NRXN3: variants seen among roughly 807,000 people sequenced by gnomAD.
The protein encoded by NRXN3 is neurexin 3.
NRXN3 carries 32 observed loss-of-function variants against 137.6 expected under a neutral mutation model. That is an observed-to-expected ratio of 0.23 (90% CI 0.18 to 0.31). The LOEUF is 0.31. Ranked by LOEUF, NRXN3 falls within the 10% of genes least tolerant of loss-of-function variation. The pLI, the probability that NRXN3 is intolerant of heterozygous loss-of-function variation, is 1.00. For synonymous variants in NRXN3, 798 were observed against 784.5 expected (o/e 1.02, Z -0.29); for missense variants, 1,574 against 2,062.5 (o/e 0.76, Z 4.59).
chr14:79,123,172 TC>T (rs2152927835), intron 15 of NRXN3, among the ~76,000 whole-genome samples: 1 of 152,182 alleles, frequency 6.6e-6, no homozygotes, highest in East Asian at 1.9e-4. Context: ...CTCCTGTCCA[TC>T]CAGATGGAGC....
At chr14:79,031,212 G>C (rs2152492017) in intron 15 of NRXN3, among the ~76,000 whole-genome samples, 1 of 152,138 alleles carries the variant, frequency 6.6e-6, no homozygotes, top group African/African-American at 2.4e-5. Context: ...GCAATTGTTT[G>C]TTTTACTTTA....
chr14:79,388,869 T>A (rs2094740339), intron 15 of NRXN3, among the ~76,000 whole-genome samples: 1 of 152,090 alleles, frequency 6.6e-6, no homozygotes, highest in Non-Finnish European at 1.5e-5. Context: ...GAATTCATGT[T>A]CTGTTGTCAT....
In NRXN3 at chr14:78,709,562, A is replaced by G. The variant is rs1464619298; in HGVS notation, c.1567A>G (p.Met523Val). 1.2e-6 allele frequency: 2 copies of G among 1,613,994 alleles called. No homozygotes were observed. The highest frequency in any genetic ancestry group is 4.5e-5 in the East Asian group (2 of 44,858). Residue 523 changes from methionine to valine, a missense_variant, in exon 7 of 21, where the codon ATG becomes GTG. This residue lies in a region of NRXN3 where 718 missense variants were observed against 887.6 expected (regional missense o/e 0.81). Coordinates refer to ENST00000335750, the MANE Select transcript of NRXN3 (RefSeq NM_001330195.2). ...TGGCAACCTGTACTTGCTGCTTGACATGGGCTCTGGCACCATCAAAGTGAA... is the reference window on the plus strand; with the variant it reads ...TGGCAACCTGTACTTGCTGCTTGACGTGGGCTCTGGCACCATCAAAGTGAA... ...LDGNLYLLLD[M>V]GSGTIKVKAT...
intron 4 of NRXN3, among the ~76,000 whole-genome samples, chr14:78,365,919 G>A (rs978293970): frequency 2.0e-5 from 3 of 152,158 alleles, no homozygotes; most frequent in Admixed American, 6.6e-5. Context: ...GGAGAAAAGC[G>A]TAAAATATAA....
intron 15 of NRXN3, among the ~76,000 whole-genome samples, chr14:79,086,369 T>C (rs2048102386): frequency 1.3e-5 from 2 of 152,154 alleles, no homozygotes; most frequent in Admixed American, 1.3e-4. Context: ...CATCCCTCGC[T>C]TTAACTTGGG....
intron 15 of NRXN3, among the ~76,000 whole-genome samples, chr14:78,997,260 A>G (rs1017010409): frequency 2.6e-5 from 4 of 152,180 alleles, no homozygotes; most frequent in Non-Finnish European, 5.9e-5. Context: ...ATCATGGATT[A>G]TCATAAGCTG....
chr14:79,213,628 G>A (rs373434975), intron 15 of NRXN3, among the ~76,000 whole-genome samples: 2 of 151,330 alleles, frequency 1.3e-5, no homozygotes, highest in Non-Finnish European at 2.9e-5. Context: ...TTTTTTTTGG[G>A]GGGGGGTGGC....
chr14:79,390,773 GT>G (rs989623728), intron 15 of NRXN3, among the ~76,000 whole-genome samples: 2 of 152,068 alleles, frequency 1.3e-5, no homozygotes, highest in Non-Finnish European at 2.9e-5. Context: ...GTTTGAATGT[GT>G]CCCCTAAAGT....
At chr14:78,748,755 A>C (rs976862806) in intron 8 of NRXN3, among the ~76,000 whole-genome samples, 19 of 152,218 alleles carry the variant, frequency 1.2e-4, no homozygotes, top group Non-Finnish European at 2.5e-4. Context: ...CTGTCTATGC[A>C]CTGTTCATAG....
At chr14:78,620,434 A>G (rs1486601212) in intron 4 of NRXN3, among the ~76,000 whole-genome samples, 2 of 152,184 alleles carry the variant, frequency 1.3e-5, no homozygotes, top group South Asian at 2.1e-4. Context: ...CAGTAAACAC[A>G]TCACTGCAGA....
intron 1 of NRXN3, among the ~76,000 whole-genome samples, chr14:78,233,536 C>G (rs1474365031): frequency 6.6e-6 from 1 of 152,052 alleles, no homozygotes; most frequent in Non-Finnish European, 1.5e-5. Flanking sequence ...TGGGTCATCC[C>G]CAGTAACAGG....
chr14:79,526,295 C>A (rs1007122915), intron 16 of NRXN3, among the ~76,000 whole-genome samples: 2 of 152,124 alleles, frequency 1.3e-5, no homozygotes, highest in Non-Finnish European at 2.9e-5. Flanking sequence ...GATCTGCCTG[C>A]CTTGGCCTCC....
intron 15 of NRXN3, among the ~76,000 whole-genome samples, chr14:79,047,937 A>G (rs1048605250): frequency 6.6e-6 from 1 of 152,170 alleles, no homozygotes; most frequent in East Asian, 1.9e-4. Context: ...TATTTATCCA[A>G]AAGAAATGGA....
Position 79,863,619 on chromosome 14 carries a change from C to G in NRXN3, c.*1655C>G, listed in dbSNP as rs2099416315. 6.6e-6 allele frequency: 1 copy of G among 151,510 alleles called. No homozygotes were observed. The highest frequency in any genetic ancestry group is 2.4e-5 in the African/African-American group (1 of 41,276). The allele number at this position is 151,510 out of a possible 1,614,324, so 9.4% of individuals were successfully genotyped here. A position where few individuals can be genotyped will look rare whatever the true frequency, so the allele number is the denominator to read the frequency against. On this transcript the variant is annotated 3_prime_UTR_variant, in exon 21 of 21. Transcript: ENST00000335750. ...ATACTGCTTTAAGAAATGTTTTTTTCCTGTTTATTTCTGTTTGGTTTATAT... is the reference window on the plus strand; with the variant it reads ...ATACTGCTTTAAGAAATGTTTTTTTGCTGTTTATTTCTGTTTGGTTTATAT...
intron 6 of NRXN3, among the ~76,000 whole-genome samples, chr14:78,681,145 T>C (rs1425122858): frequency 6.6e-6 from 1 of 152,204 alleles, no homozygotes; most frequent in Admixed American, 6.5e-5. Context: ...CACAGTCTTA[T>C]GTGCTTGGGG....
chr14:78,815,481 T>TTC lies in NRXN3; in HGVS notation c.2275+5138_2275+5139insCT, dbSNP rs1487005892. ...TTGCTTGGATAATTTGTTTCTTTCT[T>TTC]TTTTTTTTTTTTTTTTTTTTGCCTT... On this transcript the variant is annotated intron_variant, in intron 10 of 20. Transcript: ENST00000335750. 6.4e-5 allele frequency among the ~76,000 whole-genome samples: 8 copies of TTC among 125,778 alleles called. No homozygotes were observed. The East Asian group carries it at 1.7e-3, about 26-fold the overall frequency. The allele number at this position is 125,778 out of a possible 152,430, so 82.5% of individuals were successfully genotyped here. A position where few individuals can be genotyped will look rare whatever the true frequency, so the allele number is the denominator to read the frequency against.
chr14:79,739,866 G>A (rs1386914128), intron 19 of NRXN3, among the ~76,000 whole-genome samples: 1 of 151,976 alleles, frequency 6.6e-6, no homozygotes, highest in African/African-American at 2.4e-5. Flanking sequence ...CATCTTTAAT[G>A]TCTTTCACAG....
chr14:78,450,607 A>G (rs2094528927), intron 4 of NRXN3, among the ~76,000 whole-genome samples: 1 of 152,180 alleles, frequency 6.6e-6, no homozygotes, highest in East Asian at 1.9e-4. Flanking sequence ...AGGTTGGGGC[A>G]GGTGGGAAGG....
At chr14:78,442,460 C>T (rs2094291018) in intron 4 of NRXN3, among the ~76,000 whole-genome samples, 1 of 152,124 alleles carries the variant, frequency 6.6e-6, no homozygotes, top group Non-Finnish European at 1.5e-5. Context: ...GGAGCATGGC[C>T]CTGCCAACAC....
Sources: gnomAD v4.1 joint callset for allele counts (sites outside exome capture counted in the v4.1 genomes callset) on GRCh38, gnomAD v4.1.1 for gene constraint, gnomAD v4.1.1 regional missense constraint, MANE v1.5 for transcripts, NCBI Gene and HGNC (gene_info 2026-07-23, HGNC 2026-07-21) for gene names.